The following BICC1 variants were observed in gnomAD, a reference collection of about 807,000 sequenced individuals.
BICC1 encodes the protein BicC family RNA binding protein 1, also known as protein bicaudal C homolog 1.
In BICC1, 43 loss-of-function variants were observed where a neutral mutation model predicts 111.0. The observed-to-expected ratio is 0.39, with a 90% CI of 0.30 to 0.50. The LOEUF (loss-of-function observed/expected upper bound fraction) is 0.50. Ranked by LOEUF, BICC1 falls within the 20% of genes least tolerant of loss-of-function variation. The pLI is 0.88. For missense variants in BICC1, 1,091 were observed against 1,203.2 expected (o/e 0.91, Z 1.38); for synonymous variants, 467 against 434.4 (o/e 1.07, Z -0.93).
intron 1 of BICC1, among the ~76,000 whole-genome samples, chr10:58,608,760 T>C (rs1249827727): frequency 2.6e-5 from 4 of 152,216 alleles, no homozygotes; most frequent in Non-Finnish European, 4.4e-5. Context: ...CACTGGTAAA[T>C]GGCAAACCTA....
intron 20 of BICC1, chr10:58,823,263 A>T (rs1335082692): frequency 8.1e-6 from 8 of 985,214 alleles, no homozygotes; most frequent in Non-Finnish European, 9.6e-6. Context: ...AGATCCTGAG[A>T]GCTGCCAGGA....
rs1445823119 is a variant in BICC1, at chr10:58,513,329, A to G, written c.186A>G (p.Leu62=). 8.7e-6 allele frequency: 14 copies of G among 1,605,036 alleles called. No individual in the cohort carries two copies. The highest frequency in any genetic ancestry group is 1.3e-5 in the African/African-American group (1 of 74,678). Residue 62 remains leucine (L), a synonymous_variant, in exon 1 of 21, where the codon TTA becomes TTG. Coordinates refer to ENST00000373886, the MANE Select transcript of BICC1 (RefSeq NM_001080512.3). ...RVDRKKLEAM[L]QAAAEGKGRS... ...ACAGGAAGAAACTTGAGGCCATGTT[A>G]CAAGGTAGGCATCCCTCGTGTTCTC...
chr10:58,699,032 G>T (rs143123003), intron 2 of BICC1, among the ~76,000 whole-genome samples: 35 of 152,332 alleles, frequency 2.3e-4, no homozygotes, highest in African/African-American at 8.4e-4. Flanking sequence ...GCATTAGCTG[G>T]CCACAAATGG....
intron 16 of BICC1, 80 bp downstream of exon 16, chr10:58,806,703 G>A (rs905601110): frequency 6.5e-5 from 81 of 1,246,396 alleles, no homozygotes; most frequent in Middle Eastern, 2.1e-4. Flanking sequence ...ATGGTGAATC[G>A]AGAACTTGAA....
intron 2 of BICC1, among the ~76,000 whole-genome samples, chr10:58,637,544 C>T (rs1837986690): frequency 6.6e-6 from 1 of 152,206 alleles, no homozygotes; most frequent in Non-Finnish European, 1.5e-5. Context: ...CATTGTCTTC[C>T]CTCCTCACGC....
At chr10:58,806,402 G>C (rs116233035) in intron 15 of BICC1, among the ~76,000 whole-genome samples, 182 bp from the exon 16 acceptor site, 1 of 151,938 alleles carries the variant, frequency 6.6e-6, no homozygotes, top group Non-Finnish European at 1.5e-5. Flanking sequence ...ATTAATTAGT[G>C]TTGGAAACAT....
chr10:58,663,675 G>A (rs946435696), intron 2 of BICC1, among the ~76,000 whole-genome samples: 3 of 152,164 alleles, frequency 2.0e-5, no homozygotes, highest in Admixed American at 2.0e-4. Flanking sequence ...CTCCTTATGA[G>A]AATCTAATGC....
At chr10:58,701,574 GT>G (rs1203196822) in intron 2 of BICC1, among the ~76,000 whole-genome samples, 5 of 152,182 alleles carry the variant, frequency 3.3e-5, no homozygotes, top group South Asian at 4.2e-4. Context: ...CGTTTAGAGG[GT>G]TTTCATCAGT....
intron 1 of BICC1, among the ~76,000 whole-genome samples, chr10:58,526,369 G>A (rs1842542415): frequency 6.6e-6 from 1 of 151,612 alleles, no homozygotes; most frequent in South Asian, 2.1e-4. Context: ...CCACCCTCCC[G>A]AATAGGTTAC....
chr10:58,627,211 G>A (rs1837660421), intron 2 of BICC1, among the ~76,000 whole-genome samples: 1 of 152,094 alleles, frequency 6.6e-6, no homozygotes, highest in Non-Finnish European at 1.5e-5. Flanking sequence ...AGTCATTATT[G>A]ATTAAAATGG....
chr10:58,524,977 G>T (rs1208446235), intron 1 of BICC1, among the ~76,000 whole-genome samples: 1 of 151,616 alleles, frequency 6.6e-6, no homozygotes, highest in African/African-American at 2.4e-5. Flanking sequence ...ATCATCACTG[G>T]CCATCAGAGA....
chr10:58,819,157 C>T (rs755380588), intron 19 of BICC1, among the ~76,000 whole-genome samples: 5 of 152,104 alleles, frequency 3.3e-5, no homozygotes, highest in Admixed American at 6.6e-5. Context: ...GCTATAACAG[C>T]GTAGTTAAGT....
intron 1 of BICC1, among the ~76,000 whole-genome samples, chr10:58,574,343 CTG>C (rs964463760): frequency 3.0e-4 from 46 of 152,252 alleles, no homozygotes; most frequent in African/African-American, 1.0e-3. Flanking sequence ...GATGTTAAGA[CTG>C]TCCTGGAAAA....
intron 2 of BICC1, among the ~76,000 whole-genome samples, chr10:58,664,941 A>T (rs1838963114): frequency 6.6e-6 from 1 of 152,030 alleles, no homozygotes; most frequent in South Asian, 2.1e-4. Context: ...CCAGTGGTGG[A>T]TGGATTGCTG....
intron 2 of BICC1, among the ~76,000 whole-genome samples, chr10:58,679,385 C>T (rs529643565): frequency 6.6e-6 from 1 of 152,132 alleles, no homozygotes; most frequent in Non-Finnish European, 1.5e-5. Context: ...ATACAAACTA[C>T]CATCAGAAAA....
intron 1 of BICC1, among the ~76,000 whole-genome samples, chr10:58,513,666 T>C (rs1046692947): frequency 6.6e-6 from 1 of 152,212 alleles, no homozygotes; most frequent in African/African-American, 2.4e-5. Context: ...GGCTGTGCCA[T>C]CCGGACCACT....
intron 2 of BICC1, chr10:58,650,668 G>T (rs562290614): frequency 4.4e-4 from 67 of 152,266 alleles, no homozygotes; most frequent in African/African-American, 1.5e-3. Flanking sequence ...TGTGTTACTA[G>T]CCTAGAGTAG....
intron 3 of BICC1, among the ~76,000 whole-genome samples, chr10:58,729,820 G>A (rs185601969): frequency 3.9e-4 from 60 of 152,224 alleles, no homozygotes; most frequent in African/African-American, 7.0e-4. Context: ...CAAGGGGGAC[G>A]CTGTTAAATC....
intron 1 of BICC1, among the ~76,000 whole-genome samples, chr10:58,616,866 A>T (rs1845624862): frequency 6.6e-6 from 1 of 152,222 alleles, no homozygotes; most frequent in Admixed American, 6.5e-5. Flanking sequence ...CTTGTTAATG[A>T]TATTATGCTA....
Sources: gnomAD v4.1 joint callset for allele counts (sites outside exome capture counted in the v4.1 genomes callset) on GRCh38, gnomAD v4.1.1 for gene constraint, MANE v1.5 for transcripts, NCBI Gene and HGNC (gene_info 2026-07-23, HGNC 2026-07-21) for gene names.